Variants in PIGL observed in about 807,000 individuals in gnomAD.
PIGL encodes the protein N-acetylglucosaminyl-phosphatidylinositol de-N-acetylase.
A neutral mutation model predicts 31.1 loss-of-function variants in PIGL; 22 were observed. That is an observed-to-expected ratio of 0.71 (90% CI 0.51 to 1.01). PIGL has a LOEUF of 1.01. Among genes scored for constraint, PIGL ranks in the 50% least tolerant of loss-of-function variants. The pLI is 0.00. For synonymous variants in PIGL, 131 were observed against 117.4 expected (o/e 1.12, Z -0.75); for missense variants, 302 against 315.9 (o/e 0.96, Z 0.33).
At chr17:16,235,344 T>G (rs1568784285) in intron 2 of PIGL, among the ~76,000 whole-genome samples, 1 of 151,888 alleles carries the variant, frequency 6.6e-6, no homozygotes, top group South Asian at 2.1e-4. Flanking sequence ...TTTCTCCAAA[T>G]CAGTGGATTT....
intron 5 of PIGL, 55 bp downstream of exon 5, chr17:16,316,767 T>G: frequency 6.2e-7 from 1 of 1,600,532 alleles, no homozygotes; most frequent in Non-Finnish European, 8.6e-7. Flanking sequence ...CTGAGAAACT[T>G]ATGAGGGGGA....
At chr17:16,290,231 C>T (rs995541698) in intron 2 of PIGL, among the ~76,000 whole-genome samples, 8 of 151,132 alleles carry the variant, frequency 5.3e-5, no homozygotes, top group South Asian at 2.1e-4. Context: ...TACAGGCATG[C>T]GCCACCACAC....
intron 2 of PIGL, among the ~76,000 whole-genome samples, chr17:16,264,535 T>C (rs1349417017): frequency 6.6e-6 from 1 of 152,078 alleles, no homozygotes; most frequent in Non-Finnish European, 1.5e-5. Context: ...TAGAATGTCC[T>C]CACAAGGAGT....
intron 2 of PIGL, among the ~76,000 whole-genome samples, chr17:16,294,240 T>G (rs2092972146): frequency 6.6e-6 from 1 of 152,194 alleles, no homozygotes; most frequent in Non-Finnish European, 1.5e-5. Context: ...CCAGGTCACA[T>G]GGAAAGCAGG....
intron 2 of PIGL, among the ~76,000 whole-genome samples, chr17:16,246,701 C>T (rs1478533064): frequency 5.7e-5 from 2 of 35,152 alleles, no homozygotes; most frequent in Admixed American, 3.3e-4. Flanking sequence ...TTTTTTGAGA[C>T]GGAGTCTCGC....
chr17:16,254,577 A>ATT (rs2092785978), intron 2 of PIGL, among the ~76,000 whole-genome samples: 2 of 145,980 alleles, frequency 1.4e-5, no homozygotes, highest in Non-Finnish European at 3.0e-5. Context: ...ATATACATGA[A>ATT]TTTTTTTGTT....
intron 2 of PIGL, among the ~76,000 whole-genome samples, chr17:16,278,198 A>C (rs1290095781): frequency 1.3e-5 from 2 of 152,054 alleles, no homozygotes; most frequent in African/African-American, 4.8e-5. Context: ...TGGGATTACA[A>C]GTGTGAGCCA....
chr17:16,284,466 G>A (rs957532399), intron 2 of PIGL, among the ~76,000 whole-genome samples: 4 of 152,144 alleles, frequency 2.6e-5, no homozygotes, highest in South Asian at 2.1e-4. Flanking sequence ...TAGGACTAAC[G>A]AATTAGGCAC....
intron 2 of PIGL, among the ~76,000 whole-genome samples, chr17:16,238,234 GA>G (rs2092707812): frequency 6.8e-6 from 1 of 147,498 alleles, no homozygotes; most frequent in Non-Finnish European, 1.5e-5. Context: ...AAACATGAAA[GA>G]AGGGGCTGGT....
chr17:16,318,647 C>T (rs573967127), intron 6 of PIGL, among the ~76,000 whole-genome samples: 15 of 152,014 alleles, frequency 9.9e-5, no homozygotes, highest in Middle Eastern at 3.4e-3. Context: ...TTAAAACCAG[C>T]TTTGGCCAGG....
chr17:16,299,969 C>A lies in PIGL; in HGVS notation c.417C>A (p.Gly139=). ...RVLLQHIEVN[G]INLVVTFDAG... ...TCCTTCAGCACATAGAAGTGAATGG[C>A]ATCAATCTGGTAAGGGGGCAGCTCC... Residue 139 remains glycine (G), a synonymous_variant, in exon 3 of 7, where the codon GGC becomes GGA. Transcript: ENST00000225609. The A allele has an allele frequency of 6.2e-7, 1 of 1,612,550 alleles. No homozygotes were observed. The highest frequency in any genetic ancestry group is 8.5e-7 in the Non-Finnish European group (1 of 1,178,616).
At chr17:16,224,626 T>C (rs552842272) in intron 1 of PIGL, among the ~76,000 whole-genome samples, 50 of 150,066 alleles carry the variant, frequency 3.3e-4, no homozygotes, top group Non-Finnish European at 4.4e-5. Flanking sequence ...ATTTTAGAAT[T>C]AGCTTGGTGA....
intron 5 of PIGL, chr17:16,317,059 T>G (rs1446800669): frequency 1.8e-6 from 2 of 1,094,524 alleles, no homozygotes; most frequent in Non-Finnish European, 2.2e-6. Flanking sequence ...TGCTGGGTGC[T>G]TGATGAACCA....
intron 2 of PIGL, chr17:16,279,583 T>G (rs1291203124): frequency 6.6e-6 from 1 of 152,206 alleles, no homozygotes. Context: ...CAAGAGAAGA[T>G]TTTCTATAGA....
At chr17:16,240,414 G>A (rs1283527816) in intron 2 of PIGL, among the ~76,000 whole-genome samples, 1 of 152,142 alleles carries the variant, frequency 6.6e-6, no homozygotes, top group East Asian at 1.9e-4. Flanking sequence ...CTAGGCTCAA[G>A]CAATCCTCCC....
At chr17:16,309,562 A>G (rs2093039712) in intron 3 of PIGL, among the ~76,000 whole-genome samples, 1 of 149,102 alleles carries the variant, frequency 6.7e-6, no homozygotes, top group Admixed American at 6.8e-5. Flanking sequence ...GGAGTTGAAG[A>G]CCAGCCTGGC....
Position 16,265,727 on chromosome 17 carries a change from C to T in PIGL, c.335+31657C>T, listed in dbSNP as rs529370826. On this transcript the variant is annotated intron_variant, in intron 2 of 6. Transcript: ENST00000225609. ...TGCACTCGTAGCATGGGCAACAGAG[C>T]GAGACTCCGTATTAAAAAAAAAAAA... 4.7e-5 allele frequency among the ~76,000 whole-genome samples: 7 copies of T among 150,522 alleles called. No individual in the cohort carries two copies. The South Asian group carries it at 6.3e-4, about 14-fold the overall frequency.
chr17:16,241,114 CAAAAAAAAAA>C (rs35578509), intron 2 of PIGL, among the ~76,000 whole-genome samples: 1 of 52,994 alleles, frequency 1.9e-5, no homozygotes, highest in East Asian at 6.7e-4. Flanking sequence ...AACTCCCTCT[CAAAAAAAAAA>C]AAAAAAAAAA....
At chr17:16,224,133 T>G (rs1451294936) in intron 1 of PIGL, among the ~76,000 whole-genome samples, 1 of 151,772 alleles carries the variant, frequency 6.6e-6, no homozygotes, top group South Asian at 2.1e-4. Context: ...GAGAATCACT[T>G]GAACCTGGGA....
Sources: gnomAD v4.1 joint callset for allele counts (sites outside exome capture counted in the v4.1 genomes callset) on GRCh38, gnomAD v4.1.1 for gene constraint, MANE v1.5 for transcripts, NCBI Gene and HGNC (gene_info 2026-07-23, HGNC 2026-07-21) for gene names.